Variants in PRSS3 observed in about 807,000 individuals in gnomAD.
The protein encoded by PRSS3 is trypsin-3.
A neutral mutation model predicts 20.8 loss-of-function variants in PRSS3; 14 were observed. The ratio of observed to expected loss-of-function variants is 0.67; its 90% CI spans 0.44 to 1.05. The LOEUF is 1.05. Ranked by LOEUF, PRSS3 falls within the 50% of genes least tolerant of loss-of-function variation. PRSS3 has a pLI of 0.00. For missense variants in PRSS3, 237 were observed against 306.4 expected (o/e 0.77, Z 1.69); for synonymous variants, 91 against 117.6 (o/e 0.77, Z 1.46).
intron 1 of PRSS3, among the ~76,000 whole-genome samples, chr9:33,760,384 A>G (rs1823138523): frequency 6.6e-6 from 1 of 152,154 alleles, no homozygotes; most frequent in South Asian, 2.1e-4. Flanking sequence ...ATTAATGAGG[A>G]GCAAAGACAT....
At chr9:33,753,954 G>A (rs1327255684) in intron 1 of PRSS3, among the ~76,000 whole-genome samples, 1 of 152,138 alleles carries the variant, frequency 6.6e-6, no homozygotes, top group Non-Finnish European at 1.5e-5. Flanking sequence ...TTAGCATGGA[G>A]CTCTCATCCT....
chr9:33,791,105 T>C (rs1194341308), upstream of PRSS3, among the ~76,000 whole-genome samples: 1 of 152,240 alleles, frequency 6.6e-6, no homozygotes, highest in Admixed American at 6.5e-5. Context: ...TCCAGTGTTT[T>C]ACAGAACTGT....
intron 1 of PRSS3, among the ~76,000 whole-genome samples, chr9:33,788,147 C>T (rs1760699819): frequency 6.6e-6 from 1 of 152,182 alleles, no homozygotes; most frequent in African/African-American, 2.4e-5. Context: ...ACAGTTCCTC[C>T]TTATCTCAGG....
chr9:33,791,330 A>G (rs986053898), upstream of PRSS3, among the ~76,000 whole-genome samples: 2 of 152,154 alleles, frequency 1.3e-5, no homozygotes, highest in African/African-American at 4.8e-5. Context: ...TGGAGCACTC[A>G]GTTCTGAGCC....
At chr9:33,758,496 G>T (rs1285432973) in intron 1 of PRSS3, among the ~76,000 whole-genome samples, 1 of 152,180 alleles carries the variant, frequency 6.6e-6, no homozygotes, top group East Asian at 1.9e-4. Context: ...TGGAGACTTG[G>T]CTGAGAACAG....
At chr9:33,797,776 G>A in intron 2 of PRSS3, 53 bp from the exon 3 acceptor site, 4 of 1,481,746 alleles carry the variant, frequency 2.7e-6, no homozygotes, top group Middle Eastern at 1.9e-4. Context: ...GAAGGTGGGA[G>A]GGGTGCCCAG....
At chr9:33,786,720 T>C in intron 1 of PRSS3, 1 of 766,272 alleles carries the variant, frequency 1.3e-6, no homozygotes, top group Non-Finnish European at 2.4e-6. Context: ...GAGAGCAGAT[T>C]TGTCATTGAC....
intron 1 of PRSS3, among the ~76,000 whole-genome samples, chr9:33,785,302 C>T (rs1587390728): frequency 6.7e-6 from 1 of 149,208 alleles, no homozygotes; most frequent in African/African-American, 2.5e-5. Flanking sequence ...CTCAGCCTCC[C>T]AAGTAGCTGG....
chr9:33,770,141 A>T (rs1587378573), intron 1 of PRSS3, among the ~76,000 whole-genome samples: 1 of 150,860 alleles, frequency 6.6e-6, no homozygotes, highest in Admixed American at 6.6e-5. Context: ...GTGAAATGAA[A>T]CTGTCTCAAA....
At chr9:33,786,336 G>A (rs1824410148) in intron 1 of PRSS3, 1 of 591,138 alleles carries the variant, frequency 1.7e-6, no homozygotes, top group Non-Finnish European at 3.0e-6. Context: ...CGGAGAGTCT[G>A]AAGCCACCAG....
intron 1 of PRSS3, among the ~76,000 whole-genome samples, chr9:33,780,295 G>A (rs1260072015): frequency 1.3e-5 from 2 of 152,162 alleles, no homozygotes; most frequent in Non-Finnish European, 2.9e-5. Flanking sequence ...AACTAAAAAT[G>A]TTATATCCTG....
chr9:33,754,859 G>C (rs1822870139), intron 1 of PRSS3, among the ~76,000 whole-genome samples: 2 of 152,068 alleles, frequency 1.3e-5, no homozygotes, highest in Non-Finnish European at 1.5e-5. Flanking sequence ...AACAAAATAG[G>C]AATTTTGTTA....
chr9:33,798,116 C>G (rs754866839), intron 3 of PRSS3, 34 bp downstream of exon 3: 5 of 1,614,022 alleles, frequency 3.1e-6, no homozygotes, highest in African/African-American at 2.7e-5. Flanking sequence ...TACTTCCCCC[C>G]ATCCTCACAA....
At chr9:33,770,780 A>AT (rs1823651571) in intron 1 of PRSS3, among the ~76,000 whole-genome samples, 1 of 152,152 alleles carries the variant, frequency 6.6e-6, no homozygotes, top group Non-Finnish European at 1.5e-5. Context: ...ATGATTGTTT[A>AT]ATCTGCCCAG....
At chr9:33,797,463 G>A (rs535029524) in intron 2 of PRSS3, among the ~76,000 whole-genome samples, 21 of 152,378 alleles carry the variant, frequency 1.4e-4, no homozygotes, top group Admixed American at 3.9e-4. Context: ...CAGGCGCTGT[G>A]CGCAGTTAGC....
At chr9:33,776,452 G>A (rs1430212819) in intron 1 of PRSS3, among the ~76,000 whole-genome samples, 2 of 152,156 alleles carry the variant, frequency 1.3e-5, no homozygotes, top group Non-Finnish European at 2.9e-5. Flanking sequence ...TAAGGACAAA[G>A]CCAGAAGCAT....
intron 2 of PRSS3, among the ~76,000 whole-genome samples, 191 bp downstream of exon 2, chr9:33,796,993 A>G (rs371948817): frequency 5.9e-5 from 9 of 152,320 alleles, no homozygotes; most frequent in East Asian, 3.9e-4. Context: ...TCATAAAAGC[A>G]GGCAGGGATA....
Position 33,750,744 on chromosome 9 carries a change from C to G in PRSS3, c.-53+17C>G. On this transcript the variant is annotated intron_variant, in intron 1 of 5. Transcript: ENST00000342836. The surrounding 1 kb of genome is among the most constrained non-coding windows in gnomAD (Gnocchi z 4.8). The stretch of plus-strand genomic sequence containing the variant: ...TGGGCACAGGTCAGACGTCAGTACC[C>G]GCAGGGGGCTTGAAACTGGAGGAGG... 1 of 1,419,276 alleles carries G rather than the reference C, an allele frequency of 7.0e-7. No individual in the cohort carries two copies. The highest frequency in any genetic ancestry group is 9.2e-7 in the Non-Finnish European group (1 of 1,090,652). The allele number at this position is 1,419,276 out of a possible 1,614,324, so 87.9% of individuals were successfully genotyped here.
At chr9:33,772,623 T>G (rs1402031816) in intron 1 of PRSS3, among the ~76,000 whole-genome samples, 2 of 152,152 alleles carry the variant, frequency 1.3e-5, no homozygotes. Flanking sequence ...CTCGCCAACA[T>G]CTCATGAAAA....
Sources: gnomAD v4.1 joint callset for allele counts (sites outside exome capture counted in the v4.1 genomes callset) on GRCh38, gnomAD v4.1.1 for gene constraint, Gnocchi (gnomAD v3.1) non-coding constraint, MANE v1.5 for transcripts, NCBI Gene and HGNC (gene_info 2026-07-23, HGNC 2026-07-21) for gene names.